Variants in MRTFB observed in about 807,000 individuals in gnomAD.
MRTFB encodes myocardin-related transcription factor B.
MRTFB carries 29 observed loss-of-function variants against 104.2 expected under a neutral mutation model. That is an observed-to-expected ratio of 0.28 (90% CI 0.21 to 0.38). The LOEUF is 0.38. Ranked by LOEUF, MRTFB falls within the 10% of genes least tolerant of loss-of-function variation. The probability of loss-of-function intolerance (pLI) is 1.00; values close to 1 mark genes in which losing one functional copy is unlikely to be tolerated. For missense variants in MRTFB, 1,270 were observed against 1,341.6 expected (o/e 0.95, Z 0.83); for synonymous variants, 535 against 519.5 (o/e 1.03, Z -0.41).
intron 3 of MRTFB, among the ~76,000 whole-genome samples, chr16:14,201,460 T>A (rs1046219894): frequency 6.6e-6 from 1 of 152,194 alleles, no homozygotes; most frequent in Non-Finnish European, 1.5e-5. Context: ...TAGAAATAAT[T>A]GTTAGTTTTT....
intron 2 of MRTFB, among the ~76,000 whole-genome samples, chr16:14,094,717 C>T (rs980617046): frequency 4.6e-5 from 7 of 152,058 alleles, no homozygotes; most frequent in Admixed American, 1.3e-4. Flanking sequence ...GTGTGTTTTC[C>T]GTGAAACTGC....
rs570004987 is a variant in MRTFB at position 14,185,086 on chromosome 16, C to T, written c.155-25157C>T. Among the ~76,000 whole-genome samples the T allele has an allele frequency of 2.3e-4, 35 of 152,266 alleles. No individual in the cohort carries two copies. In the South Asian group the frequency reaches 6.9e-3, roughly 30 times the overall value. Reference sequence around the variant, plus strand: ...AGTAGTTTCTTCAGAAGAATGTAGGCGTTAGGGTCAGAGATAGTAACAGAA... The same window carrying T: ...AGTAGTTTCTTCAGAAGAATGTAGGTGTTAGGGTCAGAGATAGTAACAGAA... On this transcript the variant is annotated intron_variant, in intron 3 of 16. Coordinates refer to ENST00000571589, the MANE Select transcript of MRTFB (RefSeq NM_001308142.2).
At chr16:14,173,516 A>G (rs1304184475) in intron 3 of MRTFB, among the ~76,000 whole-genome samples, 5 of 152,304 alleles carry the variant, frequency 3.3e-5, no homozygotes, top group Admixed American at 2.0e-4. Context: ...TCTGAAGGCT[A>G]TTGAATTCTG....
At chr16:14,161,277 A>C (rs1206961541) in intron 3 of MRTFB, among the ~76,000 whole-genome samples, 1 of 152,076 alleles carries the variant, frequency 6.6e-6, no homozygotes, top group Non-Finnish European at 1.5e-5. Context: ...ATAGTACTTT[A>C]GACAGATAGT....
chr16:14,144,617 A>G (rs2038197740), intron 3 of MRTFB: 1 of 152,178 alleles, frequency 6.6e-6, no homozygotes, highest in African/African-American at 2.4e-5. Flanking sequence ...GAGCAATTCC[A>G]CAGTGCATAC....
chr16:14,127,804 A>T (rs773410271), intron 2 of MRTFB, among the ~76,000 whole-genome samples: 10 of 145,734 alleles, frequency 6.9e-5, no homozygotes, highest in Non-Finnish European at 1.2e-4. Flanking sequence ...ATATATATAT[A>T]TTTTCTTCTT....
the MRTFB span, among the ~76,000 whole-genome samples, chr16:14,041,364 C>T: frequency 7.9e-5 from 12 of 152,144 alleles, no homozygotes; most frequent in Admixed American, 2.0e-4. Context: ...CCCTAGCCCC[C>T]GGCAACCGCA....
chr16:14,233,621 C>G (rs560500577), intron 8 of MRTFB, among the ~76,000 whole-genome samples: 1 of 151,996 alleles, frequency 6.6e-6, no homozygotes, highest in South Asian at 2.1e-4. Context: ...AAACCCGCAT[C>G]TCTACTTAAA....
chr16:14,030,230 A>G, the MRTFB span, among the ~76,000 whole-genome samples: 25 of 152,128 alleles, frequency 1.6e-4, no homozygotes, highest in Non-Finnish European at 1.5e-5. Context: ...TTATTTTCCA[A>G]TGAGGACATT....
At chr16:14,231,098 A>G (rs2042241316) in intron 8 of MRTFB, among the ~76,000 whole-genome samples, 1 of 145,718 alleles carries the variant, frequency 6.9e-6, no homozygotes, top group African/African-American at 2.5e-5. Context: ...ACACATGGAC[A>G]CAGGAAGGGG....
chr16:14,240,136 AG>A, intron 9 of MRTFB, 100 bp from the exon 10 acceptor site: 2 of 1,350,652 alleles, frequency 1.5e-6, no homozygotes, highest in Non-Finnish European at 2.0e-6. Context: ...CCCGTATCTA[AG>A]GTACATTTCT....
At chr16:14,017,346 G>A in the MRTFB span, among the ~76,000 whole-genome samples, 46 of 151,688 alleles carry the variant, frequency 3.0e-4, no homozygotes, top group South Asian at 4.6e-3. Context: ...GTGAGCCACC[G>A]CGCCCGGCCT....
chr16:14,221,947 AATTTTTGT>A (rs2151235428), intron 8 of MRTFB, among the ~76,000 whole-genome samples: 1 of 151,952 alleles, frequency 6.6e-6, no homozygotes, highest in Non-Finnish European at 1.5e-5. Context: ...ATGCCCAGCT[AATTTTTGT>A]ATTTTTGTAG....
intron 7 of MRTFB, among the ~76,000 whole-genome samples, chr16:14,218,220 G>A (rs567379115): frequency 2.0e-4 from 31 of 152,082 alleles, no homozygotes; most frequent in African/African-American, 6.3e-4. Flanking sequence ...CCACATGCCC[G>A]GCTAATTTTT....
chr16:14,058,231 T>A, the MRTFB span, among the ~76,000 whole-genome samples: 12 of 152,200 alleles, frequency 7.9e-5, no homozygotes, highest in East Asian at 2.3e-3. Flanking sequence ...ATTTCGCGAA[T>A]TCCAAGAACA....
intron 13 of MRTFB, among the ~76,000 whole-genome samples, chr16:14,250,079 AAAT>A (rs936020063): frequency 2.0e-5 from 3 of 152,234 alleles, no homozygotes; most frequent in African/African-American, 7.2e-5. Context: ...GGAAAGGAAA[AAAT>A]AATATGTAGA....
the MRTFB span, among the ~76,000 whole-genome samples, chr16:14,055,017 G>C: frequency 6.6e-6 from 1 of 152,194 alleles, no homozygotes; most frequent in Non-Finnish European, 1.5e-5. Context: ...CCTAATATTA[G>C]CATGTTTTAT....
At chr16:14,047,414 C>T in the MRTFB span, among the ~76,000 whole-genome samples, 1 of 152,130 alleles carries the variant, frequency 6.6e-6, no homozygotes, top group Non-Finnish European at 1.5e-5. Flanking sequence ...CCAATTTCTG[C>T]GTCTCTCCTG....
chr16:14,187,223 T>C (rs2151035125), intron 3 of MRTFB, among the ~76,000 whole-genome samples: 1 of 152,360 alleles, frequency 6.6e-6, no homozygotes, highest in Middle Eastern at 3.4e-3. Context: ...ATTCATTAGC[T>C]GATGGAACTG....
Sources: gnomAD v4.1 joint callset for allele counts (sites outside exome capture counted in the v4.1 genomes callset) on GRCh38, gnomAD v4.1.1 for gene constraint, MANE v1.5 for transcripts, NCBI Gene and HGNC (gene_info 2026-07-23, HGNC 2026-07-21) for gene names.